The following LRRIQ1 variants were observed in gnomAD, a reference collection of about 807,000 sequenced individuals.
LRRIQ1 encodes the protein leucine rich repeats and IQ motif containing 1.
Under a neutral mutation model 211.9 loss-of-function variants are expected in LRRIQ1, and 210 were observed. The observed-to-expected ratio is 0.99, with a 90% CI of 0.89 to 1.11. The LOEUF is 1.11. Ranked by LOEUF, LRRIQ1 falls within the 50% of genes most tolerant of loss-of-function variation. The pLI is 0.00. For synonymous variants in LRRIQ1, 699 were observed against 650.1 expected (o/e 1.08, Z -1.14); for missense variants, 2,136 against 1,939.5 (o/e 1.10, Z -1.90).
intron 1 of LRRIQ1, among the ~76,000 whole-genome samples, chr12:85,254,545 T>C (rs1196689549): frequency 1.3e-5 from 2 of 152,146 alleles, no homozygotes; most frequent in East Asian, 3.9e-4. Context: ...CTTGCTTGCA[T>C]GCTTTTTAAT....
At chr12:85,095,031 G>T (rs1885748255) in intron 11 of LRRIQ1, among the ~76,000 whole-genome samples, 1 of 152,124 alleles carries the variant, frequency 6.6e-6, no homozygotes, top group Admixed American at 6.5e-5. Context: ...GAGTCTTTAG[G>T]ATTTTCTAGA....
At chr12:85,157,211 G>A (rs1286134707) in intron 23 of LRRIQ1, among the ~76,000 whole-genome samples, 1 of 151,866 alleles carries the variant, frequency 6.6e-6, no homozygotes, top group African/African-American at 2.4e-5. Context: ...GAAAGATGTG[G>A]TATGGGCAGC....
At chr12:85,091,952 T>G (rs1185726456) in intron 11 of LRRIQ1, among the ~76,000 whole-genome samples, 2 of 152,132 alleles carry the variant, frequency 1.3e-5, no homozygotes, top group Non-Finnish European at 2.9e-5. Flanking sequence ...TTTGTCTGTA[T>G]TTACAATGGC....
At chr12:85,272,400 G>A in the LRRIQ1 span, among the ~76,000 whole-genome samples, 1 of 152,012 alleles carries the variant, frequency 6.6e-6, no homozygotes, top group African/African-American at 2.4e-5. Context: ...GAGTGGCTGT[G>A]TACCTCTCCC....
intron 24 of LRRIQ1, among the ~76,000 whole-genome samples, chr12:85,176,452 T>G (rs1891704620): frequency 6.6e-6 from 1 of 151,262 alleles, no homozygotes; most frequent in Non-Finnish European, 1.5e-5. Context: ...GGGACATGGA[T>G]GAAATTGGAA....
chr12:85,118,237 T>G (rs1414152901), intron 15 of LRRIQ1, among the ~76,000 whole-genome samples: 1 of 152,160 alleles, frequency 6.6e-6, no homozygotes, highest in Non-Finnish European at 1.5e-5. Context: ...CATTGGTAGC[T>G]TCAAAACTAC....
At chr12:85,119,048 G>A (rs1284206030) in intron 15 of LRRIQ1, among the ~76,000 whole-genome samples, 1 of 152,000 alleles carries the variant, frequency 6.6e-6, no homozygotes, top group African/African-American at 2.4e-5. Context: ...TTACATTAGG[G>A]TTCACTCTTG....
At chr12:85,080,995 T>A (rs1884223889) in intron 11 of LRRIQ1, among the ~76,000 whole-genome samples, 1 of 152,154 alleles carries the variant, frequency 6.6e-6, no homozygotes, top group South Asian at 2.1e-4. Flanking sequence ...GCAATCTCTG[T>A]GTAGTTGAAT....
chr12:85,144,893 C>CT (rs1889785029), intron 19 of LRRIQ1, among the ~76,000 whole-genome samples: 1 of 151,630 alleles, frequency 6.6e-6, no homozygotes, highest in Non-Finnish European at 1.5e-5. Context: ...TTAAAATCAT[C>CT]TTAAAACTTC....
At chr12:85,235,898 A>G (rs145488530) in intron 26 of LRRIQ1, among the ~76,000 whole-genome samples, 55 of 152,326 alleles carry the variant, frequency 3.6e-4, no homozygotes, top group African/African-American at 1.3e-3. Flanking sequence ...GAAAAAGAAT[A>G]GTAAGTTGTG....
chr12:85,163,679 A>C lies in LRRIQ1; in HGVS notation c.4822+2965A>C, dbSNP rs11116732. On this transcript the variant is annotated intron_variant, in intron 24 of 26. Transcript: ENST00000393217. ...ATCCCTAGCAAAAACATTAGTAGCA[A>C]GAAAGGATGGTAGATATATCTCTGT... Among the ~76,000 whole-genome samples the C allele has an allele frequency of 7.9e-5, 12 of 152,252 alleles. No individual in the cohort carries two copies. In the East Asian group the frequency reaches 2.3e-3, roughly 29 times the overall value.
chr12:85,197,520 CA>C (rs2136989524), intron 24 of LRRIQ1, among the ~76,000 whole-genome samples: 1 of 150,402 alleles, frequency 6.6e-6, no homozygotes, highest in South Asian at 2.1e-4. Context: ...GAGTTCATGT[CA>C]TTTGTAGGGA....
chr12:85,207,076 G>A lies in LRRIQ1; in HGVS notation c.4823-22441G>A, dbSNP rs1893595512. Among the ~76,000 whole-genome samples the A allele has an allele frequency of 2.6e-5, 4 of 152,184 alleles. No homozygotes were observed. The South Asian group carries it at 8.3e-4, about 32-fold the overall frequency. ...AGTTCATGTCCTGGAGGACCGTGGG[G>A]TGTCCTGCTGCCAGGATTCCAGAGG... is the stretch of plus-strand genomic sequence containing the variant. On this transcript the variant is annotated intron_variant, in intron 24 of 26. Coordinates refer to ENST00000393217, the MANE Select transcript of LRRIQ1 (RefSeq NM_001079910.2).
downstream of LRRIQ1, among the ~76,000 whole-genome samples, chr12:85,248,478 C>T (rs1369835601): frequency 6.6e-6 from 1 of 151,586 alleles, no homozygotes; most frequent in Non-Finnish European, 1.5e-5. Context: ...TGCATACCCA[C>T]GAGTGGTTTT....
At chr12:85,229,780 CA>C in intron 25 of LRRIQ1, 131 bp downstream of exon 25, 1 of 795,558 alleles carries the variant, frequency 1.3e-6, no homozygotes, top group Non-Finnish European at 2.0e-6. Flanking sequence ...CCGGGTAATA[CA>C]AAGGCCTTTC....
At chr12:85,070,066 G>A (rs1300144709) in intron 10 of LRRIQ1, among the ~76,000 whole-genome samples, 1 of 151,992 alleles carries the variant, frequency 6.6e-6, no homozygotes, top group Admixed American at 6.6e-5. Flanking sequence ...ATGGATTAAA[G>A]ACTTAAATGT....
rs770312584 is a variant in LRRIQ1, at chr12:85,056,326, A to G, written c.1533A>G (p.Glu511=). 23 of 1,598,280 alleles carry G rather than the reference A, an allele frequency of 1.4e-5. No homozygotes were observed. In the African/African-American group the frequency reaches 2.4e-4, roughly 17 times the overall value. The change falls in exon 8 of 27, where the codon GAA becomes GAG. Residue 511 remains glutamate (E), a synonymous_variant. Transcript: ENST00000393217. ...ATGAAAATACAGATAACAAAACTGA[A>G]TTGGGAAACTCTGATCTAAAAGGAA... is the stretch of plus-strand genomic sequence containing the variant. ...RKYENTDNKT[E]LGNSDLKGNL...
chr12:85,249,529 T>C (rs1428166446), downstream of LRRIQ1, among the ~76,000 whole-genome samples: 1 of 151,836 alleles, frequency 6.6e-6, no homozygotes, highest in East Asian at 1.9e-4. Context: ...AAACCACACA[T>C]CATGATAGTA....
chr12:85,045,985 T>A lies in LRRIQ1; in HGVS notation c.337-35T>A, dbSNP rs750553326. Reference sequence around the variant, plus strand: ...CGACAGCTTTACTCTCTATTTTGATTTTCTTTAATCATTGGTACTCATTTA... The same window carrying A: ...CGACAGCTTTACTCTCTATTTTGATATTCTTTAATCATTGGTACTCATTTA... On this transcript the variant is annotated intron_variant, in intron 4 of 26. Transcript: ENST00000393217. 3.2e-6 allele frequency: 4 copies of A among 1,233,112 alleles called. No individual in the cohort carries two copies. The African/African-American group carries it at 4.5e-5, about 14-fold the overall frequency. 76.4% of individuals were successfully genotyped at this position (1,233,112 alleles called of 1,614,324 possible). A position where few individuals can be genotyped will look rare whatever the true frequency, so the allele number is the denominator to read the frequency against.
Sources: gnomAD v4.1 joint callset for allele counts (sites outside exome capture counted in the v4.1 genomes callset) on GRCh38, gnomAD v4.1.1 for gene constraint, MANE v1.5 for transcripts, NCBI Gene and HGNC (gene_info 2026-07-23, HGNC 2026-07-21) for gene names.